COQ3: variants seen among roughly 807,000 people sequenced by gnomAD.
COQ3 encodes the protein ubiquinone biosynthesis O-methyltransferase, mitochondrial.
Under a neutral mutation model 33.1 loss-of-function variants are expected in COQ3, and 29 were observed. The ratio of observed to expected loss-of-function variants is 0.88; its 90% CI spans 0.65 to 1.19. COQ3 has a LOEUF of 1.19. Among genes scored for constraint, COQ3 ranks in the 50% most tolerant of loss-of-function variants. The pLI is 0.00. For missense variants in COQ3, 437 were observed against 430.7 expected, an observed-to-expected ratio of 1.01 and a Z score of -0.13; for synonymous variants, 173 against 157.8, an observed-to-expected ratio of 1.10 and a Z score of -0.72.
At chr6:99,388,928 C>T (rs975310463) in intron 1 of COQ3, among the ~76,000 whole-genome samples, 1 of 124,072 alleles carries the variant, frequency 8.1e-6, no homozygotes, top group Middle Eastern at 4.3e-3. Flanking sequence ...CACACACACA[C>T]ACACACCCAC....
rs777202436 is a variant in COQ3 at position 99,376,114 on chromosome 6, T to G, written c.555A>C (p.Gln185His). The change falls in exon 5 of 7, where the codon CAA (glutamine) becomes CAC (histidine). Residue 185 changes from glutamine (Q) to histidine (H), a missense_variant. Gln to His is a conservative substitution (Grantham distance 24). Transcript: ENST00000254759. ...GGACTGGATCAAATGATTTATGGCA[T>G]TGTGCTGTTTTAATGTTCTCATCCA... ...DPVDENIKTA[Q>H]CHKSFDPVLD... 1.2e-6 allele frequency: 2 copies of G among 1,614,014 alleles called. No individual in the cohort carries two copies. The highest frequency in any genetic ancestry group is 2.7e-5 in the African/African-American group (2 of 74,932).
At chr6:99,375,817 G>C in intron 5 of COQ3, 123 bp downstream of exon 5, 1 of 1,002,932 alleles carries the variant, frequency 1.0e-6, no homozygotes, top group Non-Finnish European at 1.5e-6. Flanking sequence ...CAGGCTTCCT[G>C]GTTTCTTCTC....
In COQ3 at chr6:99,391,230, C is replaced by G. The variant is rs149829598; in HGVS notation, c.106+2844G>C. On this transcript the variant is annotated intron_variant, in intron 1 of 6. Coordinates refer to ENST00000254759, the MANE Select transcript of COQ3 (RefSeq NM_017421.4). The stretch of plus-strand genomic sequence containing the variant: ...CCTCCTACCTTAGCCTATCCAGTAG[C>G]GAGGTCCACAGAAGCACACCACCAT... Among the ~76,000 whole-genome samples, 15 of 151,524 alleles carry G rather than the reference C, an allele frequency of 9.9e-5. 1 individual carries two copies. In the East Asian group the frequency reaches 2.9e-3, roughly 29 times the overall value.
At chr6:99,385,815 A>G (rs986467041) in intron 1 of COQ3, among the ~76,000 whole-genome samples, 2 of 151,750 alleles carry the variant, frequency 1.3e-5, no homozygotes, top group Non-Finnish European at 2.9e-5. Flanking sequence ...TGTCTCTACT[A>G]AAAATACAAA....
intron 6 of COQ3, among the ~76,000 whole-genome samples, chr6:99,371,075 T>C (rs1774129838): frequency 6.6e-6 from 1 of 152,130 alleles, no homozygotes; most frequent in South Asian, 2.1e-4. Context: ...GGAAAAATAA[T>C]ATGTAAGATA....
chr6:99,374,837 A>G (rs1411805782), intron 5 of COQ3, among the ~76,000 whole-genome samples: 1 of 152,168 alleles, frequency 6.6e-6, no homozygotes, highest in Non-Finnish European at 1.5e-5. Context: ...TGTAGGTAAG[A>G]TCAAGTGAGA....
chr6:99,390,274 G>A (rs1287973895), intron 1 of COQ3, among the ~76,000 whole-genome samples: 3 of 151,858 alleles, frequency 2.0e-5, no homozygotes, highest in Admixed American at 6.6e-5. Context: ...CTATCCTATC[G>A]GTAATCTATG....
chr6:99,387,253 A>G (rs1774677908), intron 1 of COQ3, among the ~76,000 whole-genome samples: 1 of 152,158 alleles, frequency 6.6e-6, no homozygotes, highest in African/African-American at 2.4e-5. Flanking sequence ...GTTTGAGACA[A>G]GTCTGGGCAA....
intron 4 of COQ3, among the ~76,000 whole-genome samples, chr6:99,377,022 G>GTA (rs1326374224): frequency 7.3e-6 from 1 of 136,966 alleles, no homozygotes; most frequent in African/African-American, 2.6e-5. Context: ...GTGTGTGTGT[G>GTA]TATGTGTGAC....
In COQ3 at chr6:99,370,343, A is replaced by ATT. The variant is rs1774095777; in HGVS notation, c.890-524_890-523insAA. Reference sequence around the variant, plus strand: ...TTTCTTTCTTTCTTTTCTTTTCTTTACTTTTTTTTTTTTTTTTTTTTGTGA... The same window carrying ATT: ...TTTCTTTCTTTCTTTTCTTTTCTTTATTCTTTTTTTTTTTTTTTTTTTTGTGA... On this transcript the variant is annotated intron_variant, in intron 6 of 6. Coordinates refer to ENST00000254759, the MANE Select transcript of COQ3 (RefSeq NM_017421.4). Among the ~76,000 whole-genome samples the ATT allele has an allele frequency of 9.8e-4, 59 of 60,452 alleles. 2 individuals carry two copies. The highest frequency in any genetic ancestry group is 3.7e-3 in the African/African-American group (57 of 15,304). The allele number at this position is 60,452 out of a possible 152,430, so 39.7% of individuals were successfully genotyped here. A position where few individuals can be genotyped will look rare whatever the true frequency, so the allele number is the denominator to read the frequency against.
At position 99,383,712 on chromosome 6, in the gene COQ3, T is replaced by G. The variant is rs1321788065; in HGVS notation, c.219A>C (p.Arg73Ser). The change falls in exon 2 of 7, where the codon AGA becomes AGC. Residue 73 changes from arginine to serine, a missense_variant. Transcript: ENST00000254759. ...SYRTIFSCLNRIKSFRYPWAR... is the reference protein window; with the variant it reads ...SYRTIFSCLNSIKSFRYPWAR... ...AATAAACCCACCTGAAACTCTTTAT[T>G]CTGTTCAAACAGGAAAAGATCGTCC... The G allele has an allele frequency of 6.3e-7, 1 of 1,587,902 alleles. No individual in the cohort carries two copies.
chr6:99,384,847 A>T (rs1774574534), intron 1 of COQ3, among the ~76,000 whole-genome samples: 1 of 152,204 alleles, frequency 6.6e-6, no homozygotes, highest in African/African-American at 2.4e-5. Flanking sequence ...GCAGTGGCTC[A>T]CGCTTGTAAT....
chr6:99,376,850 C>T (rs138250547), intron 4 of COQ3, among the ~76,000 whole-genome samples: 3,809 of 151,890 alleles, frequency 0.025, 184 homozygotes, highest in African/African-American at 0.088. Context: ...GTAATCCCAG[C>T]TAGTTGGGAG....
chr6:99,386,581 T>C (rs1774660450), intron 1 of COQ3, among the ~76,000 whole-genome samples: 2 of 152,094 alleles, frequency 1.3e-5, no homozygotes, highest in Admixed American at 6.6e-5. Context: ...AAAGAAAAGA[T>C]GTAAATCACC....
intron 3 of COQ3, 104 bp downstream of exon 3, chr6:99,380,085 G>A (rs1175321535): frequency 9.8e-6 from 10 of 1,025,386 alleles, no homozygotes; most frequent in Non-Finnish European, 1.4e-5. Context: ...CAAACTTAAT[G>A]TGCAGCATTT....
In COQ3 at chr6:99,388,472, C is replaced by G. The variant is rs1400618795; in HGVS notation, c.107-4648G>C. Among the ~76,000 whole-genome samples, 8 of 148,580 alleles carry G rather than the reference C, an allele frequency of 5.4e-5. No homozygotes were observed. In the East Asian group the frequency reaches 1.6e-3, roughly 29 times the overall value. On this transcript the variant is annotated intron_variant, in intron 1 of 6. Transcript: ENST00000254759. Reference sequence around the variant, plus strand: ...TCAGTTCTCCCCAAATTGTCCTACACATTTAATACAATTCCTATCAAAATC... The same window carrying G: ...TCAGTTCTCCCCAAATTGTCCTACAGATTTAATACAATTCCTATCAAAATC...
At chr6:99,380,366 A>G (rs1286845190) in intron 2 of COQ3, 25 bp from the exon 3 acceptor site, 2 of 1,610,342 alleles carry the variant, frequency 1.2e-6, no homozygotes, top group Admixed American at 1.7e-5. Context: ...TGAAGAACCA[A>G]GCAAATACTG....
At chr6:99,388,114 A>G (rs1295447893) in intron 1 of COQ3, among the ~76,000 whole-genome samples, 1 of 152,104 alleles carries the variant, frequency 6.6e-6, no homozygotes, top group Non-Finnish European at 1.5e-5. Context: ...CGGTGAGCAG[A>G]GGTCGCACCA....
At chr6:99,382,516 T>C (rs1774502078) in intron 2 of COQ3, among the ~76,000 whole-genome samples, 1 of 152,230 alleles carries the variant, frequency 6.6e-6, no homozygotes, top group African/African-American at 2.4e-5. Context: ...TTAGCCCCCT[T>C]GTCCATGCTT....
Sources: allele counts gnomAD v4.1 joint callset (sites outside exome capture counted in the v4.1 genomes callset), GRCh38; gene constraint gnomAD v4.1.1; transcripts MANE v1.5; gene names NCBI Gene and HGNC (gene_info 2026-07-23, HGNC 2026-07-21).